The following CREBRF variants were observed in gnomAD, a reference collection of about 807,000 sequenced individuals.
CREBRF encodes UPF0474 protein C5orf41.
In CREBRF, 5 loss-of-function variants were observed where a neutral mutation model predicts 66.1. The observed-to-expected ratio is 0.08, with a 90% CI of 0.04 to 0.16. The LOEUF is 0.16. Among genes scored for constraint, CREBRF ranks in the 10% least tolerant of loss-of-function variants. The pLI is 1.00. For synonymous variants in CREBRF, 229 were observed against 264.4 expected (o/e 0.87, Z 1.30); for missense variants, 531 against 744.9 (o/e 0.71, Z 3.34).
At chr5:173,106,813 G>A (rs982994107) in intron 4 of CREBRF, among the ~76,000 whole-genome samples, 1 of 151,828 alleles carries the variant, frequency 6.6e-6, no homozygotes, top group Non-Finnish European at 1.5e-5. Flanking sequence ...GCAATGGCAC[G>A]CTCTTGGCTC....
At chr5:173,113,065 T>G (rs1758905195) in intron 7 of CREBRF, among the ~76,000 whole-genome samples, 1 of 152,192 alleles carries the variant, frequency 6.6e-6, no homozygotes, top group Non-Finnish European at 1.5e-5. Context: ...TGATCACAGC[T>G]CACTGCAGCC....
At chr5:173,130,080 C>T (rs1759383120) in intron 8 of CREBRF, among the ~76,000 whole-genome samples, 1 of 152,210 alleles carries the variant, frequency 6.6e-6, no homozygotes, top group Non-Finnish European at 1.5e-5. Flanking sequence ...ACCTCGGCCT[C>T]CCAGAGTGCT....
intron 1 of CREBRF, among the ~76,000 whole-genome samples, chr5:173,058,777 G>A (rs1216054275): frequency 3.6e-5 from 5 of 137,274 alleles, no homozygotes; most frequent in South Asian, 2.3e-4. Context: ...GAGCCACCGC[G>A]CCCAGCCTCT....
At chr5:173,059,670 A>T (rs906994348) in intron 1 of CREBRF, among the ~76,000 whole-genome samples, 4 of 152,206 alleles carry the variant, frequency 2.6e-5, no homozygotes, top group African/African-American at 9.6e-5. Context: ...AAAAATAAAC[A>T]CTTTTCATTG....
chr5:173,124,068 T>C (rs1024855369), intron 8 of CREBRF: 6 of 152,208 alleles, frequency 3.9e-5, no homozygotes, highest in African/African-American at 1.4e-4. Context: ...CAGGGGGAAA[T>C]TTAACATTAC....
Position 173,090,815 on chromosome 5 carries a change from A to G in CREBRF, c.636A>G (p.Gln212=), listed in dbSNP as rs374881107. 5.0e-6 allele frequency: 8 copies of G among 1,614,158 alleles called. No individual in the cohort carries two copies. The Admixed American group carries it at 6.7e-5, about 13-fold the overall frequency. ...QKASKPTSST[Q]IMVKTNMYHN... The stretch of plus-strand genomic sequence containing the variant: ...CAAGTAAACCCACTTCAAGCACACA[A>G]ATCATGGTGAAGACCAACATGTATC... The change falls in exon 4 of 9, where the codon CAA becomes CAG. Residue 212 remains glutamine, a synonymous_variant. Coordinates refer to ENST00000296953, the MANE Select transcript of CREBRF (RefSeq NM_153607.3). The surrounding 1 kb of genome is among the most constrained non-coding windows in gnomAD (Gnocchi z 4.5).
At position 173,100,579 on chromosome 5, in the gene CREBRF, A is replaced by G. The variant is rs1480037788; in HGVS notation, c.1223-8045A>G. 2.0e-5 allele frequency among the ~76,000 whole-genome samples: 3 copies of G among 151,818 alleles called. No homozygotes were observed. In the East Asian group the frequency reaches 5.8e-4, roughly 30 times the overall value. On this transcript the variant is annotated intron_variant, in intron 4 of 8. Transcript: ENST00000296953. ...GCTGAGATTACAGGTGACCACCACC[A>G]CGCCCTGCTAATTTTTGTATTTTTA...
intron 7 of CREBRF, among the ~76,000 whole-genome samples, chr5:173,113,255 A>G (rs1260783703): frequency 1.3e-5 from 2 of 151,748 alleles, no homozygotes; most frequent in African/African-American, 4.8e-5. Context: ...TCAACCTCCC[A>G]AAGTGCTGGG....
intron 1 of CREBRF, among the ~76,000 whole-genome samples, chr5:173,069,892 A>T (rs1002340657): frequency 6.6e-6 from 1 of 151,672 alleles, no homozygotes; most frequent in Non-Finnish European, 1.5e-5. Context: ...AATCTGAGAA[A>T]GGAGGAAGGA....
Position 173,136,801 on chromosome 5 carries a change from G to T in CREBRF, c.*3056G>T, listed in dbSNP as rs1759595418. 6.6e-6 allele frequency: 1 copy of T among 152,324 alleles called. No individual in the cohort carries two copies. Among genetic ancestry groups the T allele is most frequent in the Non-Finnish European group, 1.5e-5 (1 of 67,874 alleles). The allele number at this position is 152,324 out of a possible 1,614,324, so 9.4% of individuals were successfully genotyped here. A position where few individuals can be genotyped will look rare whatever the true frequency, so the allele number is the denominator to read the frequency against. On this transcript the variant is annotated 3_prime_UTR_variant, in exon 9 of 9. Transcript: ENST00000296953. ...TTTTTGGGTGAAGATCATTAGAGAA[G>T]AGTTCTCTAAAGGTTTTCTGTGTTC...
intron 1 of CREBRF, among the ~76,000 whole-genome samples, chr5:173,061,156 C>T (rs975844033): frequency 2.0e-5 from 3 of 152,062 alleles, no homozygotes; most frequent in Non-Finnish European, 2.9e-5. Context: ...TTAGTAGAGA[C>T]GGGGTTTCAC....
At chr5:173,092,244 G>T in intron 4 of CREBRF, 1 of 975,244 alleles carries the variant, frequency 1.0e-6, no homozygotes, top group Non-Finnish European at 1.2e-6. Flanking sequence ...TAATGTAAAA[G>T]CATTTTCTTT....
chr5:173,108,481 C>T, intron 4 of CREBRF, 143 bp from the exon 5 acceptor site: 3 of 667,776 alleles, frequency 4.5e-6, no homozygotes, highest in East Asian at 5.6e-5. Context: ...TCTTATAGAC[C>T]TGGTTTATTA....
rs1759654947 is a variant in CREBRF at position 173,139,209 on chromosome 5, A to T, written c.*5464A>T. ...TTCTGTCACCTTCCAACCCCTGAGC[A>T]CTTCTAGTCAGATACAGATTCATCA... On this transcript the variant is annotated 3_prime_UTR_variant, in exon 9 of 9. Transcript: ENST00000296953. The T allele has an allele frequency of 6.6e-6, 1 of 152,140 alleles. No homozygotes were observed. Among genetic ancestry groups the T allele is most frequent in the Non-Finnish European group, 1.5e-5 (1 of 68,028 alleles). 9.4% of individuals were successfully genotyped at this position (152,140 alleles called of 1,614,324 possible). A position where few individuals can be genotyped will look rare whatever the true frequency, so the allele number is the denominator to read the frequency against.
chr5:173,124,509 A>C (rs970655626), intron 8 of CREBRF: 4 of 150,868 alleles, frequency 2.7e-5, no homozygotes, highest in African/African-American at 9.8e-5. Flanking sequence ...ACAGTGAGCC[A>C]AGATTAGACC....
At chr5:173,115,645 G>GT (rs200060998) in intron 7 of CREBRF, among the ~76,000 whole-genome samples, 9,209 of 148,522 alleles carry the variant, frequency 0.062, 537 homozygotes, top group Non-Finnish European at 0.073. Flanking sequence ...GTTTTGCTTT[G>GT]TTTTTTTTTT....
At chr5:173,073,939 C>T (rs1757670086) in intron 1 of CREBRF, among the ~76,000 whole-genome samples, 1 of 151,754 alleles carries the variant, frequency 6.6e-6, no homozygotes, top group South Asian at 2.1e-4. Context: ...TGCGCTCCAG[C>T]CTGGTGACAG....
intron 7 of CREBRF, among the ~76,000 whole-genome samples, chr5:173,114,398 A>G (rs1304948820): frequency 6.6e-6 from 1 of 152,190 alleles, no homozygotes; most frequent in Non-Finnish European, 1.5e-5. Flanking sequence ...AATAGTTTCT[A>G]GAATTTGTGA....
chr5:173,059,244 G>A (rs1228681554), intron 1 of CREBRF, among the ~76,000 whole-genome samples: 2 of 142,012 alleles, frequency 1.4e-5, no homozygotes, highest in East Asian at 3.9e-4. Flanking sequence ...TTATTTATCA[G>A]TTCTTCTTTT....
Sources: gnomAD v4.1 joint callset for allele counts (sites outside exome capture counted in the v4.1 genomes callset) on GRCh38, gnomAD v4.1.1 for gene constraint, Gnocchi (gnomAD v3.1) non-coding constraint, MANE v1.5 for transcripts, NCBI Gene and HGNC (gene_info 2026-07-23, HGNC 2026-07-21) for gene names.